HTR4: variants seen among roughly 807,000 people sequenced by gnomAD.
The protein encoded by HTR4 is 5-hydroxytryptamine (serotonin) receptor 4, G protein-coupled.
A neutral mutation model predicts 36.8 loss-of-function variants in HTR4; 16 were observed. The ratio of observed to expected loss-of-function variants is 0.43; its 90% CI spans 0.29 to 0.66. The LOEUF is 0.66. Ranked by LOEUF, HTR4 falls within the 30% of genes least tolerant of loss-of-function variation. The pLI, the probability that HTR4 is intolerant of heterozygous loss-of-function variation, is 0.13. For synonymous variants in HTR4, 189 were observed against 185.1 expected, an observed-to-expected ratio of 1.02 and a Z score of -0.17; for missense variants, 438 against 490.9, an observed-to-expected ratio of 0.89 and a Z score of 1.02.
intron 1 of HTR4, among the ~76,000 whole-genome samples, chr5:148,638,253 G>T (rs1435330701): frequency 6.6e-6 from 1 of 152,234 alleles, no homozygotes; most frequent in Non-Finnish European, 1.5e-5. Context: ...GCCTGGGGCA[G>T]GCATGGGAAA....
intron 6 of HTR4, among the ~76,000 whole-genome samples, chr5:148,493,834 T>C (rs7716435): frequency 0.46 from 70,391 of 152,026 alleles, 16,884 homozygotes; most frequent in African/African-American, 0.59. Context: ...TCATCCTCAT[T>C]CATCTTTGAT....
chr5:148,549,537 C>T (rs1213567268), intron 3 of HTR4, among the ~76,000 whole-genome samples: 1 of 152,150 alleles, frequency 6.6e-6, no homozygotes, highest in African/African-American at 2.4e-5. Flanking sequence ...TGAGGTCTCA[C>T]CCCAGATCAG....
At chr5:148,468,017 C>T (rs1755472223) in intron 5 of HTR4, among the ~76,000 whole-genome samples, 1 of 152,194 alleles carries the variant, frequency 6.6e-6, no homozygotes, top group South Asian at 2.1e-4. Context: ...GTCAGTCTTC[C>T]CATTCTTAAG....
intron 4 of HTR4, among the ~76,000 whole-genome samples, chr5:148,531,753 TTCTA>T (rs1758576257): frequency 6.6e-6 from 1 of 152,150 alleles, no homozygotes; most frequent in Non-Finnish European, 1.5e-5. Flanking sequence ...TAATTTAAAT[TTCTA>T]TCTAATTCTT....
intron 5 of HTR4, among the ~76,000 whole-genome samples, chr5:148,460,989 T>A (rs1011473118): frequency 1.5e-4 from 23 of 152,024 alleles, no homozygotes; most frequent in South Asian, 2.1e-4. Context: ...AGAGGAATTA[T>A]GATTATTTTG....
intron 2 of HTR4, among the ~76,000 whole-genome samples, chr5:148,581,667 G>T (rs1761141205): frequency 6.6e-6 from 1 of 151,956 alleles, no homozygotes; most frequent in East Asian, 1.9e-4. Flanking sequence ...GTTTACTTAT[G>T]AGCCTACTAT....
chr5:148,457,327 C>T (rs1755123712), intron 5 of HTR4, among the ~76,000 whole-genome samples: 1 of 152,136 alleles, frequency 6.6e-6, no homozygotes, highest in African/African-American at 2.4e-5. Context: ...CGACAACTCC[C>T]TTCAAGCTGG....
At chr5:148,520,876 T>A in intron 5 of HTR4, 2 of 1,367,516 alleles carry the variant, frequency 1.5e-6, no homozygotes, top group Non-Finnish European at 2.0e-6. Flanking sequence ...CTCTTCTGCC[T>A]CCGGCATTTC....
intron 6 of HTR4, among the ~76,000 whole-genome samples, chr5:148,499,704 T>C (rs892052025): frequency 1.3e-5 from 2 of 152,138 alleles, no homozygotes; most frequent in Non-Finnish European, 2.9e-5. Context: ...TCAAATCCCA[T>C]GTTGAAGTGT....
At chr5:148,602,216 G>A (rs1244541137) in intron 2 of HTR4, among the ~76,000 whole-genome samples, 1 of 152,062 alleles carries the variant, frequency 6.6e-6, no homozygotes, top group Non-Finnish European at 1.5e-5. Context: ...CCTTGAGTGT[G>A]GTGATGGTTT....
At chr5:148,580,216 AG>A (rs1761081186) in intron 2 of HTR4, among the ~76,000 whole-genome samples, 1 of 152,104 alleles carries the variant, frequency 6.6e-6, no homozygotes, top group Admixed American at 6.6e-5. Flanking sequence ...GCTCAGGATT[AG>A]GCTGCCTGTT....
At chr5:148,451,250 G>A (rs1293312234) in exon 6 of HTR4, 2 of 1,613,730 alleles carry the variant, frequency 1.2e-6, no homozygotes, top group African/African-American at 2.7e-5. Context: ...TCCTGATGAT[G>A]TCCCCTGTGC....
At chr5:148,458,101 T>G (rs60708069) in intron 5 of HTR4, among the ~76,000 whole-genome samples, 4,843 of 48,494 alleles carry the variant, frequency 0.1, 287 homozygotes, top group African/African-American at 0.21. Context: ...TATATTTTAA[T>G]ATCTATTAAA....
intron 1 of HTR4, among the ~76,000 whole-genome samples, chr5:148,649,200 T>C (rs62389023): frequency 0.19 from 29,438 of 151,774 alleles, 3,433 homozygotes; most frequent in East Asian, 0.4. Flanking sequence ...TTAAATTAAA[T>C]CTGAGTTTCA....
At position 148,482,758 on chromosome 5, in the gene HTR4, C is replaced by A; in HGVS notation, c.*445G>T. Reference sequence around the variant, plus strand: ...CAAGTAAGCAAGACAGGAGCGACGCCTCTGGCTAAGACAGGAACAGAGAGG... The same window carrying A: ...CAAGTAAGCAAGACAGGAGCGACGCATCTGGCTAAGACAGGAACAGAGAGG... On this transcript the variant is annotated 3_prime_UTR_variant, in exon 7 of 7. Coordinates refer to ENST00000377888, the MANE Select transcript of HTR4 (RefSeq NM_000870.7). 9.8e-7 allele frequency: 1 copy of A among 1,021,088 alleles called. No homozygotes were observed. 63.3% of individuals were successfully genotyped at this position (1,021,088 alleles called of 1,614,324 possible). A position where few individuals can be genotyped will look rare whatever the true frequency, so the allele number is the denominator to read the frequency against.
At chr5:148,512,231 T>C (rs1271834975) in intron 5 of HTR4, among the ~76,000 whole-genome samples, 1 of 152,242 alleles carries the variant, frequency 6.6e-6, no homozygotes, top group Non-Finnish European at 1.5e-5. Context: ...CCCTGTTTAC[T>C]ATGTCCTGGC....
intron 2 of HTR4, among the ~76,000 whole-genome samples, chr5:148,590,074 A>T (rs946987511): frequency 6.6e-6 from 1 of 152,134 alleles, no homozygotes; most frequent in Admixed American, 6.5e-5. Flanking sequence ...CAGAAGCTTT[A>T]ATTTTAATAT....
intron 2 of HTR4, among the ~76,000 whole-genome samples, chr5:148,584,252 A>G (rs1429657710): frequency 1.3e-5 from 2 of 152,082 alleles, no homozygotes; most frequent in African/African-American, 4.8e-5. Flanking sequence ...ACCTTATTTT[A>G]CTATGGAGAA....
rs531842595 is a variant in HTR4 at position 148,564,806 on chromosome 5, G to A, written c.27-14544C>T. Among the ~76,000 whole-genome samples, 8 of 152,192 alleles carry A rather than the reference G, an allele frequency of 5.3e-5. No homozygotes were observed. In the South Asian group the frequency reaches 1.7e-3, roughly 32 times the overall value. On this transcript the variant is annotated intron_variant, in intron 2 of 6. Coordinates refer to ENST00000377888, the MANE Select transcript of HTR4 (RefSeq NM_000870.7). ...TTCTAGTCATGTCCTGGGCACCGAA[G>A]TTGTTATAAAGATTAATAAATTTGG...
Sources: allele counts gnomAD v4.1 joint callset (sites outside exome capture counted in the v4.1 genomes callset), GRCh38; gene constraint gnomAD v4.1.1; transcripts MANE v1.5; gene names NCBI Gene and HGNC (gene_info 2026-07-23, HGNC 2026-07-21).